NCKAP5: variants seen among roughly 807,000 people sequenced by gnomAD.
NCKAP5 encodes NCK associated protein 5, also known as nck-associated protein 5.
In NCKAP5, 92 loss-of-function variants were observed where a neutral mutation model predicts 167.0. The ratio of observed to expected loss-of-function variants is 0.55; its 90% CI spans 0.47 to 0.66. The LOEUF (loss-of-function observed/expected upper bound fraction) is 0.66. Among genes scored for constraint, NCKAP5 ranks in the 30% least tolerant of loss-of-function variants. The pLI, the probability that NCKAP5 is intolerant of heterozygous loss-of-function variation, is 0.00. For synonymous variants in NCKAP5, 891 were observed against 877.4 expected, an observed-to-expected ratio of 1.02 and a Z score of -0.27; for missense variants, 2,378 against 2,315.0, an observed-to-expected ratio of 1.03 and a Z score of -0.56.
At chr2:133,486,342 C>T (rs536583277) in intron 3 of NCKAP5, among the ~76,000 whole-genome samples, 15 of 152,162 alleles carry the variant, frequency 9.9e-5, no homozygotes, top group Non-Finnish European at 1.5e-4. Context: ...TGTTCAATTG[C>T]ATTTGAGATA....
intron 7 of NCKAP5, among the ~76,000 whole-genome samples, chr2:132,969,513 C>T (rs1233868526): frequency 2.6e-5 from 4 of 152,076 alleles, no homozygotes; most frequent in Admixed American, 2.6e-4. Context: ...ATTATCTGAC[C>T]CCAGGGTGAG....
chr2:133,405,642 T>C (rs932797997), intron 3 of NCKAP5, among the ~76,000 whole-genome samples: 1 of 152,226 alleles, frequency 6.6e-6, no homozygotes, highest in African/African-American at 2.4e-5. Context: ...TATAAGTGAA[T>C]TTCAGTGAGT....
chr2:132,887,632 G>A (rs1483701332), intron 8 of NCKAP5, among the ~76,000 whole-genome samples: 2 of 152,056 alleles, frequency 1.3e-5, no homozygotes, highest in Non-Finnish European at 2.9e-5. Context: ...TGCTGCTCTA[G>A]CATGGAATAT....
Position 132,785,390 on chromosome 2 carries a change from G to A in NCKAP5, c.1421C>T (p.Ser474Phe). 6.2e-7 allele frequency: 1 copy of A among 1,613,948 alleles called. No individual in the cohort carries two copies. The highest frequency in any genetic ancestry group is 8.5e-7 in the Non-Finnish European group (1 of 1,179,894). ...PHKTFVYDLD[S>F]HVDADDDPST... ...AGGGTCATCGTCCGCATCAACGTGG[G>A]AATCTAGATCATAAACAAATGTCTT... is the stretch of plus-strand genomic sequence containing the variant. Residue 474 changes from serine to phenylalanine, a missense_variant, in exon 14 of 20, where the codon TCC (serine) becomes TTC (phenylalanine). Ser to Phe is a radical substitution (Grantham distance 155). Transcript: ENST00000409261.
At chr2:133,022,361 T>C (rs1292772875) in intron 6 of NCKAP5, among the ~76,000 whole-genome samples, 1 of 152,198 alleles carries the variant, frequency 6.6e-6, no homozygotes, top group Non-Finnish European at 1.5e-5. Flanking sequence ...AGAACTTTCA[T>C]TACTTGAGAG....
chr2:133,346,611 C>A (rs903825329), intron 3 of NCKAP5, among the ~76,000 whole-genome samples: 1 of 152,208 alleles, frequency 6.6e-6, no homozygotes, highest in Admixed American at 6.5e-5. Flanking sequence ...TCCAGGGCTG[C>A]GGGCCCCTCA....
chr2:132,672,843 T>C lies in NCKAP5; in HGVS notation c.*446A>G. The C allele has an allele frequency of 2.5e-6, 1 of 405,484 alleles. No homozygotes were observed. Among genetic ancestry groups the C allele is most frequent in the African/African-American group, 2.2e-5 (1 of 45,908 alleles). The allele number at this position is 405,484 out of a possible 1,614,324, so 25.1% of individuals were successfully genotyped here. A position where few individuals can be genotyped will look rare whatever the true frequency, so the allele number is the denominator to read the frequency against. ...TCCTCTTGAAACACAATAAATGGAG[T>C]CTATCTTTATTGCCCTGTCAGAGAA... is the stretch of plus-strand genomic sequence containing the variant. On this transcript the variant is annotated 3_prime_UTR_variant, in exon 20 of 20. Coordinates refer to ENST00000409261, the MANE Select transcript of NCKAP5 (RefSeq NM_207363.3).
At chr2:133,046,546 T>C (rs1023403037) in intron 6 of NCKAP5, among the ~76,000 whole-genome samples, 3 of 152,066 alleles carry the variant, frequency 2.0e-5, no homozygotes, top group Admixed American at 1.3e-4. Flanking sequence ...GCCTGGTTAA[T>C]TTTTTAATTT....
chr2:133,009,547 T>G, intron 6 of NCKAP5, among the ~76,000 whole-genome samples: 1 of 152,208 alleles, frequency 6.6e-6, no homozygotes, highest in East Asian at 1.9e-4. Context: ...GAATAATTGT[T>G]TCCTGATGTA....
intron 16 of NCKAP5, among the ~76,000 whole-genome samples, chr2:132,753,434 G>A (rs558058654): frequency 2.6e-5 from 4 of 152,284 alleles, no homozygotes; most frequent in Non-Finnish European, 5.9e-5. Context: ...TTATGGAAAT[G>A]GTCTGAGAAC....
intron 6 of NCKAP5, among the ~76,000 whole-genome samples, chr2:133,012,997 A>T (rs1416190524): frequency 1.3e-5 from 2 of 152,286 alleles, no homozygotes; most frequent in South Asian, 4.1e-4. Context: ...ACTGTCTGCC[A>T]GCCCTGGGCA....
At chr2:133,113,670 C>A (rs767251735) in intron 6 of NCKAP5, among the ~76,000 whole-genome samples, 49 of 152,196 alleles carry the variant, frequency 3.2e-4, no homozygotes, top group Non-Finnish European at 2.9e-4. Flanking sequence ...TCCAAATGGG[C>A]CCAAGCCTGC....
Position 132,785,306 on chromosome 2 carries a change from T to C in NCKAP5, c.1505A>G (p.Lys502Arg). 6.2e-7 allele frequency: 1 copy of C among 1,608,562 alleles called. No individual in the cohort carries two copies. Among genetic ancestry groups the C allele is most frequent in the Non-Finnish European group, 8.5e-7 (1 of 1,176,752 alleles). Residue 502 changes from lysine (K) to arginine (R), a missense_variant, in exon 14 of 20, where the codon AAA (lysine) becomes AGA (arginine). Physicochemically the swap from Lys to Arg is conservative, Grantham distance 26. Around this residue, in one of 3 missense-constraint regions of NCKAP5, gnomAD observed 1,049 missense variants for 1,023.4 expected, o/e 1.02. Coordinates refer to ENST00000409261, the MANE Select transcript of NCKAP5 (RefSeq NM_207363.3). Reference sequence around the variant, plus strand: ...ACTGTCGGAAACACTGTGGGTTAATTTACTGCCATGTGGCCTGCAGCTCTG... The same window carrying C: ...ACTGTCGGAAACACTGTGGGTTAATCTACTGCCATGTGGCCTGCAGCTCTG... ...PNQSCRPHGS[K>R]LTHSVSDSLF... is the part of the protein sequence containing the mutation.
intron 3 of NCKAP5, among the ~76,000 whole-genome samples, chr2:133,413,029 C>A (rs1688870411): frequency 6.6e-6 from 1 of 152,186 alleles, no homozygotes; most frequent in Non-Finnish European, 1.5e-5. Context: ...GAAGGCATAT[C>A]ATGGGCCAAA....
At chr2:133,195,880 T>C (rs950285926) in intron 5 of NCKAP5, among the ~76,000 whole-genome samples, 2 of 152,070 alleles carry the variant, frequency 1.3e-5, no homozygotes, top group Non-Finnish European at 2.9e-5. Flanking sequence ...ATAAGACTGA[T>C]AGAGTCAAGA....
the NCKAP5 span, among the ~76,000 whole-genome samples, chr2:133,640,414 G>A: frequency 1.3e-5 from 2 of 152,194 alleles, no homozygotes; most frequent in African/African-American, 4.8e-5. Context: ...TTCAAAAGAA[G>A]GGAGACAATC....
chr2:133,646,777 A>C, the NCKAP5 span, among the ~76,000 whole-genome samples: 8 of 152,152 alleles, frequency 5.3e-5, no homozygotes, highest in African/African-American at 1.9e-4. Context: ...TGATAGCCAA[A>C]AATATGATAA....
At chr2:133,529,512 T>C (rs983911243) in intron 2 of NCKAP5, among the ~76,000 whole-genome samples, 12 of 152,214 alleles carry the variant, frequency 7.9e-5, no homozygotes. Context: ...GTTTTCTGAT[T>C]CTAGACCATC....
intron 2 of NCKAP5, among the ~76,000 whole-genome samples, chr2:133,547,182 C>T (rs370103087): frequency 2.6e-5 from 4 of 152,316 alleles, no homozygotes; most frequent in African/African-American, 7.2e-5. Context: ...GCTTAAAAAA[C>T]GGCGCGCCAC....
Sources: gnomAD v4.1 joint callset for allele counts (sites outside exome capture counted in the v4.1 genomes callset) on GRCh38, gnomAD v4.1.1 for gene constraint, gnomAD v4.1.1 regional missense constraint, MANE v1.5 for transcripts, NCBI Gene and HGNC (gene_info 2026-07-23, HGNC 2026-07-21) for gene names.